NCOA1: variants seen among roughly 807,000 people sequenced by gnomAD.
NCOA1 encodes Hin-2 protein.
A neutral mutation model predicts 150.9 loss-of-function variants in NCOA1; 35 were observed. That is an observed-to-expected ratio of 0.23 (90% confidence interval 0.18 to 0.31). NCOA1 has a LOEUF of 0.31. Among genes scored for constraint, NCOA1 ranks in the 10% least tolerant of loss-of-function variants. The probability of loss-of-function intolerance (pLI) is 1.00; values close to 1 mark genes in which losing one functional copy is unlikely to be tolerated. For synonymous variants in NCOA1, 590 were observed against 630.0 expected (o/e 0.94, Z 0.95); for missense variants, 1,491 against 1,749.3 (o/e 0.85, Z 2.63).
chr2:24,612,638 T>A (rs1416150938), intron 3 of NCOA1, among the ~76,000 whole-genome samples: 1 of 152,156 alleles, frequency 6.6e-6, no homozygotes, highest in Non-Finnish European at 1.5e-5. Context: ...AAAAGGGCAG[T>A]CTTCAAGCTC....
chr2:24,754,981 C>A (rs751361979), intron 20 of NCOA1, among the ~76,000 whole-genome samples: 55 of 152,236 alleles, frequency 3.6e-4, no homozygotes, highest in Admixed American at 7.9e-4. Flanking sequence ...TAAACACTCA[C>A]ACTTGCTCAT....
At chr2:24,645,229 C>T (rs955324040) in intron 4 of NCOA1, among the ~76,000 whole-genome samples, 11 of 151,634 alleles carry the variant, frequency 7.3e-5, no homozygotes, top group Non-Finnish European at 1.2e-4. Flanking sequence ...CTGTGGCTCA[C>T]GCCTGTAATC....
In NCOA1 at chr2:24,614,805, A is replaced by G. The variant is rs573868406; in HGVS notation, c.-174-29161A>G. Among the ~76,000 whole-genome samples, 13 of 152,352 alleles carry G rather than the reference A, an allele frequency of 8.5e-5. No homozygotes were observed. The South Asian group carries it at 2.7e-3, about 32-fold the overall frequency. ...TGTAAACTTAGATAATTAAATAATA[A>G]CAGCTAGTGTTTATTGAAAATAAGG... On this transcript the variant is annotated intron_variant, in intron 3 of 22. Transcript: ENST00000348332.
chr2:24,658,478 A>G (rs944475204), intron 4 of NCOA1, among the ~76,000 whole-genome samples, 183 bp from the exon 5 acceptor site: 2 of 152,246 alleles, frequency 1.3e-5, no homozygotes, highest in African/African-American at 4.8e-5. Flanking sequence ...GAAAGTATAG[A>G]AACACTATCT....
intron 3 of NCOA1, among the ~76,000 whole-genome samples, chr2:24,619,781 T>A (rs528189915): frequency 3.5e-4 from 53 of 152,298 alleles, no homozygotes; most frequent in African/African-American, 8.7e-4. Flanking sequence ...CAAAACATTT[T>A]AAAAATAATT....
chr2:24,584,897 A>G (rs1468083565), intron 3 of NCOA1, among the ~76,000 whole-genome samples: 3 of 152,212 alleles, frequency 2.0e-5, no homozygotes, highest in East Asian at 1.9e-4. Context: ...TTACAACTCT[A>G]TGAATTAGTG....
chr2:24,660,893 C>G (rs1671155344), intron 5 of NCOA1, among the ~76,000 whole-genome samples: 1 of 149,990 alleles, frequency 6.7e-6, no homozygotes, highest in Non-Finnish European at 1.5e-5. Flanking sequence ...AAACCCATCT[C>G]TATTTAAGAA....
At chr2:24,659,997 AG>A (rs1188451533) in intron 5 of NCOA1, among the ~76,000 whole-genome samples, 1 of 152,128 alleles carries the variant, frequency 6.6e-6, no homozygotes, top group Non-Finnish European at 1.5e-5. Context: ...GAAAAAAAGG[AG>A]GATTTTAACA....
intron 3 of NCOA1, among the ~76,000 whole-genome samples, chr2:24,592,321 G>A (rs1667688752): frequency 6.6e-6 from 1 of 152,088 alleles, no homozygotes; most frequent in African/African-American, 2.4e-5. Context: ...CTTGTGAAGA[G>A]AATATTATTT....
At position 24,611,844 on chromosome 2, in the gene NCOA1, A is replaced by G. The variant is rs1016504568; in HGVS notation, c.-175+27284A>G. Among the ~76,000 whole-genome samples, 9 of 152,084 alleles carry G rather than the reference A, an allele frequency of 5.9e-5. No homozygotes were observed. The South Asian group carries it at 8.3e-4, about 14-fold the overall frequency. On this transcript the variant is annotated intron_variant, in intron 3 of 22. Coordinates refer to ENST00000348332, the MANE Select transcript of NCOA1 (RefSeq NM_003743.5). The stretch of plus-strand genomic sequence containing the variant: ...GGGATGGGTCTCTTGAAGGCAACAG[A>G]TAGATGAGTCTTTTTTTTTTAATCC...
chr2:24,710,120 G>A (rs957982274), intron 13 of NCOA1, among the ~76,000 whole-genome samples: 10 of 151,776 alleles, frequency 6.6e-5, no homozygotes, highest in African/African-American at 2.2e-4. Flanking sequence ...TGAGATGGGA[G>A]TCTCGCTCTG....
At chr2:24,739,268 C>T (rs10865308) in intron 17 of NCOA1, among the ~76,000 whole-genome samples, 164 bp from the exon 18 acceptor site, 111,248 of 151,818 alleles carry the variant, frequency 0.73, 42,651 homozygotes, top group Admixed American at 0.84. Context: ...GTTTTATAAA[C>T]ATTGGGAACT....
chr2:24,638,469 A>G (rs1487667297), intron 3 of NCOA1, among the ~76,000 whole-genome samples: 1 of 151,996 alleles, frequency 6.6e-6, no homozygotes, highest in Non-Finnish European at 1.5e-5. Flanking sequence ...CTTCAATAAT[A>G]CTGATTTCCT....
intron 10 of NCOA1, among the ~76,000 whole-genome samples, chr2:24,695,437 T>A (rs1377600298): frequency 6.6e-6 from 1 of 152,150 alleles, no homozygotes; most frequent in African/African-American, 2.4e-5. Flanking sequence ...TTACATTACT[T>A]TTCACTAAAG....
chr2:24,565,645 G>C (rs1666469737), intron 2 of NCOA1, among the ~76,000 whole-genome samples: 1 of 152,188 alleles, frequency 6.6e-6, no homozygotes, highest in African/African-American at 2.4e-5. Context: ...CTTGGGCCCA[G>C]TGGGCCCACT....
chr2:24,623,361 A>G (rs369772675), intron 3 of NCOA1, among the ~76,000 whole-genome samples: 1 of 152,188 alleles, frequency 6.6e-6, no homozygotes, highest in South Asian at 2.1e-4. Flanking sequence ...CCCAGCTTAT[A>G]TGGATTACCT....
chr2:24,719,028 CAAA>C (rs59556004), intron 14 of NCOA1, among the ~76,000 whole-genome samples: 6 of 34,456 alleles, frequency 1.7e-4, no homozygotes, highest in African/African-American at 5.1e-4. Flanking sequence ...GACTCTGTCC[CAAA>C]AAAAAAAAAA....
rs1225367215 is a variant in NCOA1 at position 24,516,990 on chromosome 2, A to ATACGTGTATATATACGTATATG, written c.-396+25390_-396+25391insCGTGTATATATACGTATATGTA. Among the ~76,000 whole-genome samples, 2 of 52,452 alleles carry ATACGTGTATATATACGTATATG rather than the reference A, an allele frequency of 3.8e-5. 1 individual carries two copies. Among genetic ancestry groups the ATACGTGTATATATACGTATATG allele is most frequent in the Admixed American group, 5.5e-4 (2 of 3,662 alleles). The allele number at this position is 52,452 out of a possible 152,430, so 34.4% of individuals were successfully genotyped here. A position where few individuals can be genotyped will look rare whatever the true frequency, so the allele number is the denominator to read the frequency against. ...CGTATATATACACATATACGTATAT[A>ATACGTGTATATATACGTATATG]TATACACACGCGCGCACACACACAC... On this transcript the variant is annotated intron_variant, in intron 1 of 22. Transcript: ENST00000348332.
At chr2:24,586,949 A>G (rs1340100962) in intron 3 of NCOA1, among the ~76,000 whole-genome samples, 2 of 152,114 alleles carry the variant, frequency 1.3e-5, no homozygotes, top group East Asian at 1.9e-4. Flanking sequence ...AGAGAAATAC[A>G]TAGTGAAGAT....
Sources: allele counts gnomAD v4.1 joint callset (sites outside exome capture counted in the v4.1 genomes callset), GRCh38; gene constraint gnomAD v4.1.1; transcripts MANE v1.5; gene names NCBI Gene and HGNC (gene_info 2026-07-23, HGNC 2026-07-21).